The following FYB1 variants were observed in gnomAD, a reference collection of about 807,000 sequenced individuals.
FYB1 encodes the protein FYN binding protein 1.
A neutral mutation model predicts 94.1 loss-of-function variants in FYB1; 41 were observed. The observed-to-expected ratio is 0.44, with a 90% CI of 0.34 to 0.57. The LOEUF is 0.57. Among genes scored for constraint, FYB1 ranks in the 20% least tolerant of loss-of-function variants. FYB1 has a pLI of 0.02. For synonymous variants in FYB1, 367 were observed against 353.2 expected, an observed-to-expected ratio of 1.04 and a Z score of -0.44; for missense variants, 1,050 against 976.8, an observed-to-expected ratio of 1.07 and a Z score of -1.00.
At position 39,106,029 on chromosome 5, in the gene FYB1, T is replaced by C. The variant is rs1760354775; in HGVS notation, c.*1414A>G. On this transcript the variant is annotated 3_prime_UTR_variant, in exon 19 of 19. Transcript: ENST00000512982. ...TGTGGAGCCACTTCAGAAACTCCAATGGGCCTTTGCAATATTAAAATGTGG... is the reference window on the plus strand; with the variant it reads ...TGTGGAGCCACTTCAGAAACTCCAACGGGCCTTTGCAATATTAAAATGTGG... 1 of 152,196 alleles carries C rather than the reference T, an allele frequency of 6.6e-6. No individual in the cohort carries two copies. 9.4% of individuals were successfully genotyped at this position (152,196 alleles called of 1,614,324 possible).
chr5:39,240,612 G>T (rs543035968), intron 1 of FYB1, among the ~76,000 whole-genome samples: 1 of 152,008 alleles, frequency 6.6e-6, no homozygotes, highest in Non-Finnish European at 1.5e-5. Context: ...AATCAAGACC[G>T]CAATGAGATA....
intron 2 of FYB1, among the ~76,000 whole-genome samples, chr5:39,188,540 C>T (rs1579612495): frequency 4.3e-5 from 3 of 69,622 alleles, no homozygotes; most frequent in Non-Finnish European, 7.8e-5. Context: ...AACTACAGCA[C>T]TTTTTTTTTT....
intron 1 of FYB1, among the ~76,000 whole-genome samples, chr5:39,271,321 A>G (rs80087462): frequency 0.11 from 16,283 of 152,192 alleles, 1,065 homozygotes; most frequent in African/African-American, 0.18. Flanking sequence ...AGGGCATAGT[A>G]TTTGATCCCA....
At chr5:39,209,120 G>A (rs985592936) in intron 1 of FYB1, among the ~76,000 whole-genome samples, 1 of 151,988 alleles carries the variant, frequency 6.6e-6, no homozygotes, top group Non-Finnish European at 1.5e-5. Flanking sequence ...CTGGAAAAGG[G>A]AATGGTCTTA....
intron 2 of FYB1, among the ~76,000 whole-genome samples, chr5:39,187,728 A>T (rs1305884815): frequency 6.6e-6 from 1 of 152,142 alleles, no homozygotes; most frequent in African/African-American, 2.4e-5. Flanking sequence ...GGCCTTTATC[A>T]ACATAGAGGC....
chr5:39,189,565 T>C (rs1462628018), intron 2 of FYB1, among the ~76,000 whole-genome samples: 2 of 152,196 alleles, frequency 1.3e-5, no homozygotes, highest in Non-Finnish European at 2.9e-5. Context: ...TGGAGATAGC[T>C]GAACTATTCT....
At chr5:39,216,070 G>A (rs1310114618) in intron 1 of FYB1, among the ~76,000 whole-genome samples, 1 of 152,104 alleles carries the variant, frequency 6.6e-6, no homozygotes, top group Non-Finnish European at 1.5e-5. Context: ...GGCCAGAAAC[G>A]AATCCTCCCC....
chr5:39,199,104 ATAT>A (rs1748088456), intron 2 of FYB1, among the ~76,000 whole-genome samples: 1 of 151,554 alleles, frequency 6.6e-6, no homozygotes, highest in Admixed American at 6.6e-5. Context: ...ACGTATATGT[ATAT>A]TATTATTTAA....
At chr5:39,115,098 A>AC (rs1739405242) in intron 16 of FYB1, among the ~76,000 whole-genome samples, 3 of 144,222 alleles carry the variant, frequency 2.1e-5, no homozygotes, top group Admixed American at 6.9e-5. Context: ...GAAACACATA[A>AC]TTTTTTTTTT....
At chr5:39,121,352 G>A (rs561342368) in intron 14 of FYB1, among the ~76,000 whole-genome samples, 1 of 152,026 alleles carries the variant, frequency 6.6e-6, no homozygotes, top group East Asian at 1.9e-4. Context: ...TTTGCCTGTG[G>A]AACTTGATCT....
At chr5:39,160,671 T>C (rs1177598644) in intron 2 of FYB1, among the ~76,000 whole-genome samples, 1 of 152,246 alleles carries the variant, frequency 6.6e-6, no homozygotes, top group African/African-American at 2.4e-5. Flanking sequence ...TTTTAGATTC[T>C]ATGCCTATTA....
intron 1 of FYB1, among the ~76,000 whole-genome samples, chr5:39,242,663 G>A (rs1361639850): frequency 6.6e-6 from 1 of 152,054 alleles, no homozygotes; most frequent in African/African-American, 2.4e-5. Context: ...CCAGTAATGG[G>A]ATGGCTGGGT....
Position 39,181,383 on chromosome 5 carries a change from C to CAATTTAATTT in FYB1, c.1135+20433_1135+20442dup, listed in dbSNP as rs60468410. ...AACTGAGGAGCTGAATTTTGAATTTCAATTTAATTTAATTTAAACATCCAC... is the reference window on the plus strand; with the variant it reads ...AACTGAGGAGCTGAATTTTGAATTTCAATTTAATTTAATTTAATTTAATTTAAACATCCAC... On this transcript the variant is annotated intron_variant, in intron 2 of 18. Coordinates refer to ENST00000512982, the MANE Select transcript of FYB1 (RefSeq NM_001465.6). Among the ~76,000 whole-genome samples, 8 of 150,952 alleles carry CAATTTAATTT rather than the reference C, an allele frequency of 5.3e-5. No individual in the cohort carries two copies. In the East Asian group the frequency reaches 9.7e-4, roughly 18 times the overall value.
Position 39,191,986 on chromosome 5 carries a change from T to C in FYB1, c.1135+9840A>G, listed in dbSNP as rs966271288. On this transcript the variant is annotated intron_variant, in intron 2 of 18. Coordinates refer to ENST00000512982, the MANE Select transcript of FYB1 (RefSeq NM_001465.6). ...ATTCTTCTGGCATAGAAATCCATCA[T>C]ATCAGAAATAGTTTTAATCAAGGCA... Among the ~76,000 whole-genome samples the C allele has an allele frequency of 4.6e-5, 7 of 152,194 alleles. 1 individual carries two copies. The highest frequency in any genetic ancestry group is 4.6e-4 in the Admixed American group (7 of 15,282).
At chr5:39,274,234 G>A (rs917228419) in intron 1 of FYB1, among the ~76,000 whole-genome samples, 9 of 152,176 alleles carry the variant, frequency 5.9e-5, no homozygotes, top group Non-Finnish European at 8.8e-5. Context: ...GGTTAAAACT[G>A]TTAGCATAGA....
At position 39,202,243 on chromosome 5, in the gene FYB1, GT is replaced by G; in HGVS notation, c.717del (p.Lys239AsnfsTer26). 1 of 1,613,912 alleles carries G rather than the reference GT, an allele frequency of 6.2e-7. No homozygotes were observed. The highest frequency in any genetic ancestry group is 8.5e-7 in the Non-Finnish European group (1 of 1,179,878). On this transcript the variant is annotated frameshift_variant, in exon 2 of 19. Coordinates refer to ENST00000512982, the MANE Select transcript of FYB1 (RefSeq NM_001465.6). LOFTEE classifies it high-confidence loss of function. ...LGVRSKSGPL[K>X]PAREDSENKD... is the part of the protein sequence containing the mutation. ...TTATTTTCTGAGTCTTCCCTTGCTG[GT>G]TTTAAAGGGCCGCTTTTGGACCTGA...
intron 1 of FYB1, among the ~76,000 whole-genome samples, chr5:39,237,469 A>C (rs562535785): frequency 1.3e-5 from 2 of 152,178 alleles, no homozygotes; most frequent in East Asian, 3.9e-4. Context: ...TCTAACCTTC[A>C]TCAAGCAACT....
At chr5:39,146,514 A>C (rs1446541288) in intron 3 of FYB1, among the ~76,000 whole-genome samples, 2 of 152,152 alleles carry the variant, frequency 1.3e-5, no homozygotes, top group African/African-American at 4.8e-5. Context: ...TTTTTGATGA[A>C]TTAACAATAT....
intron 1 of FYB1, among the ~76,000 whole-genome samples, chr5:39,260,091 A>G (rs908897681): frequency 6.6e-6 from 1 of 152,244 alleles, no homozygotes; most frequent in Non-Finnish European, 1.5e-5. Flanking sequence ...AATTAAAATC[A>G]TGGAGGATAG....
Sources: gnomAD v4.1 joint callset for allele counts (sites outside exome capture counted in the v4.1 genomes callset) on GRCh38, gnomAD v4.1.1 for gene constraint, MANE v1.5 for transcripts, NCBI Gene and HGNC (gene_info 2026-07-23, HGNC 2026-07-21) for gene names.